The following VRK2 variants were observed in gnomAD, a reference collection of about 807,000 sequenced individuals.
VRK2 encodes the protein VRK serine/threonine kinase 2.
In VRK2, 60 loss-of-function variants were observed where a neutral mutation model predicts 57.6. The ratio of observed to expected loss-of-function variants is 1.04; its 90% CI spans 0.85 to 1.29. The LOEUF is 1.29. VRK2 is among the 50% of genes most tolerant of loss of function. VRK2 has a pLI of 0.00. For synonymous variants in VRK2, 231 were observed against 199.2 expected, an observed-to-expected ratio of 1.16 and a Z score of -1.35; for missense variants, 705 against 588.1, an observed-to-expected ratio of 1.20 and a Z score of -2.06.
intron 1 of VRK2, among the ~76,000 whole-genome samples, chr2:57,923,501 T>C (rs1215483415): frequency 1.3e-5 from 2 of 149,834 alleles, no homozygotes; most frequent in Non-Finnish European, 3.0e-5. Context: ...TACCTTTTCA[T>C]ATGCCTGTTT....
rs113547087 is a variant in VRK2 at position 57,989,274 on chromosome 2, T to C, written c.-438-36391T>C. Among the ~76,000 whole-genome samples, 6 of 152,332 alleles carry C rather than the reference T, an allele frequency of 3.9e-5. 1 individual carries two copies. The highest frequency in any genetic ancestry group is 1.4e-4 in the African/African-American group (6 of 41,584). ...TATACATTTAAATAATTTTACATTT[T>C]TCTAGAATTTCTCTCTTTTTGTGTC... is the stretch of plus-strand genomic sequence containing the variant. On this transcript the variant is annotated intron_variant, in intron 1 of 15. Coordinates refer to the VRK2 transcript ENST00000417641.
intron 7 of VRK2, among the ~76,000 whole-genome samples, chr2:58,105,496 TATC>T (rs1384318684): frequency 6.6e-6 from 1 of 151,868 alleles, no homozygotes; most frequent in African/African-American, 2.4e-5. Flanking sequence ...CCAACTGAGA[TATC>T]ATCTTATGCC....
chr2:58,018,666 A>G (rs1673658075), intron 1 of VRK2, among the ~76,000 whole-genome samples: 1 of 152,192 alleles, frequency 6.6e-6, no homozygotes, highest in Non-Finnish European at 1.5e-5. Flanking sequence ...CTGTGGAGAA[A>G]TTACATCTAA....
rs1677643135 is a variant in VRK2, at chr2:58,063,315, G to A, written c.136+14348G>A. On this transcript the variant is annotated intron_variant, in intron 2 of 12. Transcript: ENST00000340157. ...ATTTTGGGAGAAGAGGGTAGATGAA[G>A]AAGAAGTGGGTTAAAGGGTACAAAC... 2.0e-5 allele frequency among the ~76,000 whole-genome samples: 3 copies of A among 149,898 alleles called. No homozygotes were observed. In the South Asian group the frequency reaches 6.4e-4, roughly 32 times the overall value.
At chr2:57,933,686 G>C (rs1206262044) in intron 1 of VRK2, among the ~76,000 whole-genome samples, 1 of 150,754 alleles carries the variant, frequency 6.6e-6, no homozygotes, top group Non-Finnish European at 1.5e-5. Flanking sequence ...TATCCATCCA[G>C]CCATTCTGTC....
At chr2:58,013,211 A>G (rs1467748020) in intron 1 of VRK2, among the ~76,000 whole-genome samples, 3 of 152,218 alleles carry the variant, frequency 2.0e-5, no homozygotes, top group Admixed American at 2.0e-4. Context: ...GCGTAAAAAG[A>G]TCTTTAAATA....
At chr2:58,040,638 T>C (rs1277637084) in intron 3 of VRK2, among the ~76,000 whole-genome samples, 1 of 152,182 alleles carries the variant, frequency 6.6e-6, no homozygotes, top group Admixed American at 6.5e-5. Context: ...TCCAGGTCCA[T>C]TTTGATGCCT....
rs567369323 is a variant in VRK2, at chr2:58,009,131, G to A, written c.-438-16534G>A. ...ATTGGCAACTCCTGAATTTTGTAGG[G>A]GACACTTTGAAATGGTAGCAGGGAA... On this transcript the variant is annotated intron_variant, in intron 1 of 15. Coordinates refer to the VRK2 transcript ENST00000417641. 7.3e-4 allele frequency among the ~76,000 whole-genome samples: 111 copies of A among 152,166 alleles called. 1 individual carries two copies. The highest frequency in any genetic ancestry group is 1.3e-3 in the Non-Finnish European group (91 of 67,986).
At chr2:58,148,274 CTAAT>C (rs1312597955) in intron 12 of VRK2, among the ~76,000 whole-genome samples, 1 of 151,782 alleles carries the variant, frequency 6.6e-6, no homozygotes, top group African/African-American at 2.4e-5. Flanking sequence ...CACCTGATGT[CTAAT>C]TAAGTTTGAG....
At chr2:57,976,207 G>A (rs1672247593) in intron 1 of VRK2, among the ~76,000 whole-genome samples, 1 of 152,118 alleles carries the variant, frequency 6.6e-6, no homozygotes, top group African/African-American at 2.4e-5. Context: ...TGTGAATAGT[G>A]TTGTGATGAA....
At position 58,103,551 on chromosome 2, in the gene VRK2, T is replaced by C. The variant is rs1011416731; in HGVS notation, c.543+13828T>C. The stretch of plus-strand genomic sequence containing the variant: ...CTCTCAAGATTGAACCAGGAAGAAA[T>C]AGAAATCCTGAAGAGACCAATACGA... On this transcript the variant is annotated intron_variant, in intron 7 of 12. Transcript: ENST00000340157. 3.3e-5 allele frequency among the ~76,000 whole-genome samples: 5 copies of C among 151,512 alleles called. No homozygotes were observed. In the South Asian group the frequency reaches 8.3e-4, roughly 25 times the overall value.
intron 1 of VRK2, among the ~76,000 whole-genome samples, chr2:57,970,086 G>A (rs983963224): frequency 1.3e-5 from 2 of 149,746 alleles, no homozygotes; most frequent in African/African-American, 4.9e-5. Context: ...CATATAAAAT[G>A]TATATATATA....
intron 1 of VRK2, among the ~76,000 whole-genome samples, chr2:57,910,934 A>G (rs1159401802): frequency 6.6e-6 from 1 of 152,202 alleles, no homozygotes; most frequent in African/African-American, 2.4e-5. Context: ...GAGTTTGCAG[A>G]CTAGGCCCAA....
chr2:58,075,010 A>G (rs1669888273), intron 2 of VRK2, among the ~76,000 whole-genome samples: 1 of 152,016 alleles, frequency 6.6e-6, no homozygotes, highest in Non-Finnish European at 1.5e-5. Context: ...GGTAATCAGC[A>G]TATTAGGTAG....
chr2:58,007,260 T>C (rs1673277164), intron 1 of VRK2, among the ~76,000 whole-genome samples: 2 of 151,698 alleles, frequency 1.3e-5, no homozygotes, highest in South Asian at 4.2e-4. Context: ...TATGTACATA[T>C]ACACACTCAT....
intron 1 of VRK2, among the ~76,000 whole-genome samples, chr2:57,968,658 C>G (rs1572917501): frequency 6.6e-6 from 1 of 152,072 alleles, no homozygotes; most frequent in East Asian, 1.9e-4. Context: ...CTTTTTCACA[C>G]ACGGAAAAAT....
At chr2:58,087,769 A>T (rs980869504) in intron 5 of VRK2, among the ~76,000 whole-genome samples, 1 of 152,152 alleles carries the variant, frequency 6.6e-6, no homozygotes, top group Admixed American at 6.5e-5. Flanking sequence ...CAGGCGGATC[A>T]TGAGGTCAAG....
chr2:58,073,432 T>A (rs1669622323), intron 2 of VRK2, among the ~76,000 whole-genome samples: 1 of 151,986 alleles, frequency 6.6e-6, no homozygotes, highest in Non-Finnish European at 1.5e-5. Context: ...ACAGTGGATT[T>A]GTCTGTTTTT....
At chr2:58,093,112 T>C (rs866347230) in intron 7 of VRK2, among the ~76,000 whole-genome samples, 8 of 152,220 alleles carry the variant, frequency 5.3e-5, no homozygotes, top group Middle Eastern at 3.2e-3. Context: ...TGAATAGTGC[T>C]GCAATAAACA....
Sources: allele counts gnomAD v4.1 joint callset (sites outside exome capture counted in the v4.1 genomes callset), GRCh38; gene constraint gnomAD v4.1.1; transcripts MANE v1.5; gene names NCBI Gene and HGNC (gene_info 2026-07-23, HGNC 2026-07-21).